Variants in PALLD observed in about 807,000 individuals in gnomAD.
PALLD encodes the protein palladin.
PALLD carries 61 observed loss-of-function variants against 123.5 expected under a neutral mutation model. The ratio of observed to expected loss-of-function variants is 0.49; its 90% CI spans 0.40 to 0.61. The LOEUF is 0.61. Among genes scored for constraint, PALLD ranks in the 20% least tolerant of loss-of-function variants. The probability of loss-of-function intolerance (pLI) is 0.00; values close to 1 mark genes in which losing one functional copy is unlikely to be tolerated. For missense variants in PALLD, 1,273 were observed against 1,377.0 expected, an observed-to-expected ratio of 0.92 and a Z score of 1.20; for synonymous variants, 465 against 496.4, an observed-to-expected ratio of 0.94 and a Z score of 0.84.
At chr4:168,850,651 C>G (rs780313353) in intron 10 of PALLD, among the ~76,000 whole-genome samples, 66 of 147,876 alleles carry the variant, frequency 4.5e-4, no homozygotes, top group Non-Finnish European at 8.8e-4. Flanking sequence ...CCTGCCTCAG[C>G]CTCCTGAGTA....
intron 10 of PALLD, among the ~76,000 whole-genome samples, chr4:168,811,776 TCACACACA>T (rs58914714): frequency 0.019 from 2,801 of 143,724 alleles, 66 homozygotes; most frequent in African/African-American, 0.06. Context: ...TCTCTCTCTC[TCACACACA>T]CACACACACA....
intron 10 of PALLD, among the ~76,000 whole-genome samples, chr4:168,842,682 C>A (rs1746214908): frequency 6.6e-6 from 1 of 152,206 alleles, no homozygotes; most frequent in African/African-American, 2.4e-5. Flanking sequence ...GTGCTACTTT[C>A]TTCTCAGCCT....
At chr4:168,919,936 T>C (rs1761092111) in intron 17 of PALLD, among the ~76,000 whole-genome samples, 1 of 152,154 alleles carries the variant, frequency 6.6e-6, no homozygotes, top group Non-Finnish European at 1.5e-5. Context: ...TGAGTAACTA[T>C]CCACTGGGTA....
chr4:168,677,067 C>G (rs1313575469), intron 3 of PALLD, among the ~76,000 whole-genome samples: 1 of 152,146 alleles, frequency 6.6e-6, no homozygotes, highest in Non-Finnish European at 1.5e-5. Context: ...ATGATAGTAA[C>G]TACAAGGGCT....
chr4:168,898,244 GA>G (rs527978461), intron 13 of PALLD: 174 of 523,442 alleles, frequency 3.3e-4, no homozygotes, highest in Middle Eastern at 5.2e-4. Context: ...AGAAAAGAAG[GA>G]AAAAAAAATT....
rs1381040530 is a variant in PALLD, at chr4:168,869,191, C to T, written c.1965-21731C>T. On this transcript the variant is annotated intron_variant, in intron 10 of 21. Coordinates refer to ENST00000505667, the MANE Select transcript of PALLD (RefSeq NM_001166108.2). The surrounding 1 kb of genome is among the most constrained non-coding windows in gnomAD (Gnocchi z 4.5). ...ATCTCCTTTATTAGAAGATGCGTTT[C>T]CCTTTCCTGTATTCCACACAAAAGG... is the stretch of plus-strand genomic sequence containing the variant. Among the ~76,000 whole-genome samples, 1 of 152,158 alleles carries T rather than the reference C, an allele frequency of 6.6e-6. No homozygotes were observed. The highest frequency in any genetic ancestry group is 1.5e-5 in the Non-Finnish European group (1 of 68,048).
chr4:168,818,390 G>C (rs1356650977), intron 10 of PALLD, among the ~76,000 whole-genome samples: 1 of 152,098 alleles, frequency 6.6e-6, no homozygotes, highest in Non-Finnish European at 1.5e-5. Context: ...TTGAGCCCAG[G>C]AGTTGGAGAC....
chr4:168,871,865 C>T (rs1751123855), intron 10 of PALLD, among the ~76,000 whole-genome samples: 4 of 152,214 alleles, frequency 2.6e-5, no homozygotes, highest in Admixed American at 2.6e-4. Flanking sequence ...AAATCCTGCT[C>T]TTCTGGTGGG....
At chr4:168,674,813 G>A (rs1056925309) in intron 3 of PALLD, among the ~76,000 whole-genome samples, 1 of 152,232 alleles carries the variant, frequency 6.6e-6, no homozygotes, top group Non-Finnish European at 1.5e-5. Context: ...ATAGGAGCTG[G>A]TATCTGGAAT....
intron 10 of PALLD, among the ~76,000 whole-genome samples, chr4:168,819,372 G>A (rs902670430): frequency 5.3e-5 from 8 of 150,330 alleles, no homozygotes; most frequent in Non-Finnish European, 8.8e-5. Flanking sequence ...TGATTCCTCC[G>A]GTATAGCTGT....
In PALLD at chr4:168,585,238, T is replaced by C. The variant is rs957724248; in HGVS notation, c.908+72826T>C. ...AAGTGGTTTTATAACCATTATCTTG[T>C]TTAATTCTCACAACATCCTTATGAG... is the stretch of plus-strand genomic sequence containing the variant. On this transcript the variant is annotated intron_variant, in intron 2 of 21. Transcript: ENST00000505667. Among the ~76,000 whole-genome samples, 6 of 152,186 alleles carry C rather than the reference T, an allele frequency of 3.9e-5. 1 individual carries two copies. Among genetic ancestry groups the C allele is most frequent in the African/African-American group, 7.2e-5 (3 of 41,454 alleles).
intron 2 of PALLD, among the ~76,000 whole-genome samples, chr4:168,557,776 A>T (rs1767472026): frequency 1.3e-5 from 2 of 152,270 alleles, no homozygotes; most frequent in South Asian, 4.2e-4. Flanking sequence ...TTGTTGTGGT[A>T]TGAGATTTTC....
chr4:168,851,139 G>A (rs183618586), intron 10 of PALLD, among the ~76,000 whole-genome samples: 1 of 152,094 alleles, frequency 6.6e-6, no homozygotes, highest in East Asian at 1.9e-4. Flanking sequence ...TCTCTAACCT[G>A]CCAATTGCAC....
At chr4:168,905,108 C>T (rs1455902514) in intron 15 of PALLD, among the ~76,000 whole-genome samples, 3 of 148,422 alleles carry the variant, frequency 2.0e-5, no homozygotes, top group African/African-American at 7.5e-5. Context: ...GCCTGGTTGA[C>T]AGAGTGAGAC....
intron 2 of PALLD, among the ~76,000 whole-genome samples, chr4:168,665,517 C>G (rs13142059): frequency 0.096 from 14,579 of 152,102 alleles, 979 homozygotes; most frequent in Non-Finnish European, 0.14. Context: ...GAGCTGAGAT[C>G]GCGCCACTGC....
At chr4:168,578,327 T>G (rs545116079) in intron 2 of PALLD, among the ~76,000 whole-genome samples, 1 of 152,210 alleles carries the variant, frequency 6.6e-6, no homozygotes, top group African/African-American at 2.4e-5. Context: ...TCACGTGTCA[T>G]AGGAGGGACC....
At chr4:168,773,756 T>C (rs1054883562) in intron 10 of PALLD, among the ~76,000 whole-genome samples, 6 of 152,150 alleles carry the variant, frequency 3.9e-5, no homozygotes, top group Non-Finnish European at 8.8e-5. Flanking sequence ...GACAATGGCA[T>C]CTGCTGAGCC....
intron 2 of PALLD, among the ~76,000 whole-genome samples, chr4:168,621,858 TG>T: frequency 6.6e-6 from 1 of 152,292 alleles, no homozygotes; most frequent in African/African-American, 2.4e-5. Flanking sequence ...TGTAGGGATA[TG>T]ATGCTGTGTA....
At chr4:168,719,731 G>A (rs113854728) in intron 10 of PALLD, among the ~76,000 whole-genome samples, 21 of 152,040 alleles carry the variant, frequency 1.4e-4, no homozygotes, top group East Asian at 3.9e-4. Context: ...CCCTCCTCCC[G>A]CTCTCCACCC....
Sources: allele counts gnomAD v4.1 joint callset (sites outside exome capture counted in the v4.1 genomes callset), GRCh38; gene constraint gnomAD v4.1.1; non-coding constraint Gnocchi (gnomAD v3.1); transcripts MANE v1.5; gene names NCBI Gene and HGNC (gene_info 2026-07-23, HGNC 2026-07-21).